Variants in IL4R observed in about 807,000 individuals in gnomAD.
The protein encoded by IL4R is interleukin-4 receptor subunit alpha.
Under a neutral mutation model 41.5 loss-of-function variants are expected in IL4R, and 17 were observed. The ratio of observed to expected loss-of-function variants is 0.41; its 90% CI spans 0.28 to 0.61. The LOEUF (loss-of-function observed/expected upper bound fraction) is 0.61. Among genes scored for constraint, IL4R ranks in the 20% least tolerant of loss-of-function variants. The pLI, the probability that IL4R is intolerant of heterozygous loss-of-function variation, is 0.31. For missense variants in IL4R, 974 were observed against 1,043.1 expected, an observed-to-expected ratio of 0.93 and a Z score of 0.91; for synonymous variants, 402 against 422.9, an observed-to-expected ratio of 0.95 and a Z score of 0.61.
At chr16:27,352,452 G>A in intron 6 of IL4R, 88 bp from the exon 7 acceptor site, 1 of 1,090,256 alleles carries the variant, frequency 9.2e-7, no homozygotes, top group Non-Finnish European at 1.4e-6. Context: ...CTTAAACATG[G>A]TGGGGTCAGC....
At chr16:27,340,407 C>A in intron 3 of IL4R, 134 bp downstream of exon 3, 1 of 675,762 alleles carries the variant, frequency 1.5e-6, no homozygotes, top group Non-Finnish European at 2.6e-6. Context: ...CCCTGATTAT[C>A]AGTAAATTCT....
At chr16:27,326,987 T>C (rs1446716838) in intron 1 of IL4R, among the ~76,000 whole-genome samples, 1 of 152,166 alleles carries the variant, frequency 6.6e-6, no homozygotes, top group Non-Finnish European at 1.5e-5. Flanking sequence ...CATGCCTAGC[T>C]TCCTGCCAGC....
At chr16:27,316,623 C>T (rs1011024855) in intron 1 of IL4R, among the ~76,000 whole-genome samples, 1 of 152,176 alleles carries the variant, frequency 6.6e-6, no homozygotes, top group Non-Finnish European at 1.5e-5. Context: ...CTACTTCACA[C>T]AATGTCCAAC....
rs2234924 is a variant in IL4R, at chr16:27,363,918, C to G, written c.*88C>G. ...TGCCACCTCCTGGAAGGCAGCCAGG[C>G]TGGCAGATTTCCAAAAGACTTGAAG... On this transcript the variant is annotated 3_prime_UTR_variant, in exon 11 of 11. Transcript: ENST00000395762. The G allele has an allele frequency of 0.042, 61,325 of 1,444,884 alleles. 1,463 individuals are homozygous for G. Among genetic ancestry groups the G allele is most frequent in the Middle Eastern group, 0.08 (371 of 4,644 alleles). 89.5% of individuals were successfully genotyped at this position (1,444,884 alleles called of 1,614,324 possible). A position where few individuals can be genotyped will look rare whatever the true frequency, so the allele number is the denominator to read the frequency against.
rs140581888 is a variant in IL4R at position 27,341,239 on chromosome 16, C to T, written c.71-882C>T. 1,711 of 656,330 alleles carry T rather than the reference C, an allele frequency of 2.6e-3. 7 individuals are homozygous for T. The highest frequency in any genetic ancestry group is 4.0e-3 in the Non-Finnish European group (1,431 of 359,352). 40.7% of individuals were successfully genotyped at this position (656,330 alleles called of 1,614,324 possible). On this transcript the variant is annotated intron_variant, in intron 3 of 10. Transcript: ENST00000395762. ...GAAAGAGAAGTGGCCAGGATGACTC[C>T]AAGATTTCTGACCTAAACTACTGGG...
rs138718443 is a variant in IL4R at position 27,333,446 on chromosome 16, G to A, written c.-19+3248G>A. On this transcript the variant is annotated intron_variant, in intron 2 of 10. Transcript: ENST00000395762. ...GTATACTGGAATCCACGGTGGGCTC[G>A]GAAGCAAACAAACGTGGGTTCTGAT... Among the ~76,000 whole-genome samples the A allele has an allele frequency of 2.6e-4, 39 of 152,104 alleles. No homozygotes were observed. In the East Asian group the frequency reaches 5.8e-3, roughly 23 times the overall value.
chr16:27,315,994 G>C (rs573934141), intron 1 of IL4R, among the ~76,000 whole-genome samples: 1 of 152,116 alleles, frequency 6.6e-6, no homozygotes, highest in Non-Finnish European at 1.5e-5. Context: ...ATACAATCCC[G>C]GTTGCAAAAT....
intron 7 of IL4R, among the ~76,000 whole-genome samples, chr16:27,354,592 G>A (rs1272196801): frequency 6.6e-6 from 1 of 152,248 alleles, no homozygotes; most frequent in African/African-American, 2.4e-5. Flanking sequence ...AATCGTGATT[G>A]GCTCAAGCCT....
chr16:27,314,947 G>T (rs7499292), intron 1 of IL4R, among the ~76,000 whole-genome samples: 89,197 of 151,986 alleles, frequency 0.59, 26,476 homozygotes, highest in Middle Eastern at 0.65. Flanking sequence ...ATGCTGGGAT[G>T]ACAGGTGTGA....
Position 27,363,240 on chromosome 16 carries a change from G to A in IL4R, c.1888G>A (p.Gly630Arg). Residue 630 changes from glycine to arginine, a missense_variant, in exon 11 of 11, where the codon GGG becomes AGG. Around this residue, in one of 3 missense-constraint regions of IL4R, gnomAD observed 682 missense variants for 704.3 expected, o/e 0.97. Coordinates refer to ENST00000395762, the MANE Select transcript of IL4R (RefSeq NM_000418.4). The part of the protein sequence containing the change: ...CGFGASSGEE[G>R]YKPFQDLIPG... ...GTTTGGGGCTAGCAGTGGGGAAGAG[G>A]GGTATAAGCCTTTCCAAGACCTCAT... The A allele has an allele frequency of 6.2e-7, 1 of 1,605,834 alleles. No homozygotes were observed.
intron 9 of IL4R, among the ~76,000 whole-genome samples, chr16:27,360,279 G>T (rs747882618): frequency 1.3e-5 from 2 of 152,230 alleles, no homozygotes; most frequent in African/African-American, 2.4e-5. Context: ...CTCCCAAAGT[G>T]CTGGGATTAC....
intron 8 of IL4R, among the ~76,000 whole-genome samples, 158 bp downstream of exon 8, chr16:27,356,065 A>G (rs377251194): frequency 6.7e-6 from 1 of 149,160 alleles, no homozygotes; most frequent in Non-Finnish European, 1.5e-5. Flanking sequence ...GAACATATCG[A>G]CAAGGACCCC....
At chr16:27,319,960 C>A (rs539277090) in intron 1 of IL4R, among the ~76,000 whole-genome samples, 63 of 152,258 alleles carry the variant, frequency 4.1e-4, no homozygotes, top group African/African-American at 1.4e-3. Flanking sequence ...ATCTCCACCT[C>A]CCCATGTTCA....
chr16:27,314,475 T>G (rs921723853), intron 1 of IL4R, among the ~76,000 whole-genome samples: 3 of 152,226 alleles, frequency 2.0e-5, no homozygotes, highest in Non-Finnish European at 2.9e-5. Flanking sequence ...GGTCTCCGCC[T>G]CCGAATATCA....
Position 27,346,491 on chromosome 16 carries a change from T to C in IL4R, c.386T>C (p.Leu129Pro). 1 of 1,614,156 alleles carries C rather than the reference T, an allele frequency of 6.2e-7. No homozygotes were observed. The highest frequency in any genetic ancestry group is 8.5e-7 in the Non-Finnish European group (1 of 1,180,012). The change falls in exon 6 of 11, where the codon CTG (leucine) becomes CCG (proline). Residue 129 changes from leucine (L) to proline (P), a missense_variant. By Grantham distance (98) the Leu-to-Pro change is moderately conservative (BLOSUM62 -3). Coordinates refer to ENST00000395762, the MANE Select transcript of IL4R (RefSeq NM_000418.4). ...GTGAAACCCAGGGCCCCAGGAAACC[T>C]GACAGTTCACACCAATGTCTCCGAC... ...EHVKPRAPGN[L>P]TVHTNVSDTL... is the part of the protein sequence containing the mutation.
intron 7 of IL4R, chr16:27,355,345 T>A: frequency 3.3e-6 from 1 of 300,504 alleles, no homozygotes; most frequent in Non-Finnish European, 6.8e-6. Context: ...CAGCTAATGA[T>A]GTGGACAGGC....
At chr16:27,355,645 G>C (rs2141192867) in intron 7 of IL4R, 163 bp from the exon 8 acceptor site, 2 of 581,032 alleles carry the variant, frequency 3.4e-6, no homozygotes, top group Middle Eastern at 4.6e-4. Flanking sequence ...GACTCAATGT[G>C]CAAGAGGGAG....
At chr16:27,326,620 G>A (rs1221619776) in intron 1 of IL4R, among the ~76,000 whole-genome samples, 4 of 152,144 alleles carry the variant, frequency 2.6e-5, no homozygotes, top group African/African-American at 4.8e-5. Flanking sequence ...GAGCCGTGAC[G>A]GTGCGACTGC....
At position 27,363,602 on chromosome 16, in the gene IL4R, C is replaced by G; in HGVS notation, c.2250C>G (p.Asp750Glu). The G allele has an allele frequency of 3.1e-6, 5 of 1,614,064 alleles. No homozygotes were observed. The highest frequency in any genetic ancestry group is 1.6e-4 in the Middle Eastern group (1 of 6,062). Residue 750 changes from aspartate (D) to glutamate (E), a missense_variant, in exon 11 of 11, where the codon GAC becomes GAG. Asp to Glu is a conservative substitution (Grantham distance 45, BLOSUM62 2). Transcript: ENST00000395762. ...ASPCCGCCCG[D>E]RSSPPTTPLR... ...CTTGCTGTGGCTGCTGCTGTGGAGA[C>G]AGGTCCTCGCCCCCTACAACCCCCC... is the stretch of plus-strand genomic sequence containing the variant.
Sources: gnomAD v4.1 joint callset for allele counts (sites outside exome capture counted in the v4.1 genomes callset) on GRCh38, gnomAD v4.1.1 for gene constraint, gnomAD v4.1.1 regional missense constraint, MANE v1.5 for transcripts, NCBI Gene and HGNC (gene_info 2026-07-23, HGNC 2026-07-21) for gene names.